SLC22A24: variants seen among roughly 807,000 people sequenced by gnomAD.
SLC22A24 encodes steroid transmembrane transporter SLC22A24.
In SLC22A24, 53 loss-of-function variants were observed where a neutral mutation model predicts 49.8. The observed-to-expected ratio is 1.06, with a 90% CI of 0.85 to 1.34. The LOEUF is 1.34. SLC22A24 is among the 40% of genes most tolerant of loss of function. The pLI is 0.00. For missense variants in SLC22A24, 786 were observed against 675.9 expected (o/e 1.16, Z -1.81); for synonymous variants, 302 against 256.4 (o/e 1.18, Z -1.70).
intron 3 of SLC22A24, 44 bp downstream of exon 3, chr11:63,119,137 A>T (rs10897367): frequency 0.25 from 377,276 of 1,525,480 alleles, 49,609 homozygotes; most frequent in Admixed American, 0.33. Flanking sequence ...TTCAAGGTCA[A>T]TTCAAGACAT....
At chr11:63,137,015 C>T (rs2087379968) in intron 1 of SLC22A24, among the ~76,000 whole-genome samples, 2 of 152,154 alleles carry the variant, frequency 1.3e-5, no homozygotes, top group Admixed American at 6.5e-5. Context: ...CCAACACCTC[C>T]TTCCTTCTCT....
rs550706035 is a variant in SLC22A24 at position 63,138,365 on chromosome 11, G to A, written c.403-3597C>T. ...GCTTGAAATTGGCTTCTGAGGCCGG[G>A]TACGTGGTGGCTTACACCTGTAATC... On this transcript the variant is annotated intron_variant, in intron 1 of 9. Transcript: ENST00000612278. 2.6e-5 allele frequency among the ~76,000 whole-genome samples: 4 copies of A among 152,152 alleles called. No homozygotes were observed. The South Asian group carries it at 6.2e-4, about 24-fold the overall frequency.
intron 2 of SLC22A24, among the ~76,000 whole-genome samples, chr11:63,124,097 T>C (rs2087271336): frequency 1.3e-5 from 2 of 152,020 alleles, no homozygotes; most frequent in Non-Finnish European, 2.9e-5. Flanking sequence ...AAGAATATTA[T>C]GGCCAGAGGG....
intron 1 of SLC22A24, among the ~76,000 whole-genome samples, chr11:63,138,557 G>A (rs1164354400): frequency 1.4e-5 from 2 of 147,634 alleles, no homozygotes; most frequent in East Asian, 4.0e-4. Flanking sequence ...CAGGAGAATG[G>A]CATGAACCTG....
chr11:63,113,233 T>TATATACACATATATATATAC lies in SLC22A24; in HGVS notation c.830+5678_830+5679insGTATATATATATGTGTATAT, dbSNP rs2087187569. ...ATATACACATATATATATATACATATATATATATATACACACATACACACA... is the reference window on the plus strand; with the variant it reads ...ATATACACATATATATATATACATATATATACACATATATATATACATATATATATACACACATACACACA... On this transcript the variant is annotated intron_variant, in intron 4 of 9. Transcript: ENST00000612278. 1.5e-5 allele frequency among the ~76,000 whole-genome samples: 2 copies of TATATACACATATATATATAC among 134,020 alleles called. 1 individual carries two copies. The highest frequency in any genetic ancestry group is 5.7e-5 in the African/African-American group (2 of 35,340). The allele number at this position is 134,020 out of a possible 152,430, so 87.9% of individuals were successfully genotyped here. A position where few individuals can be genotyped will look rare whatever the true frequency, so the allele number is the denominator to read the frequency against.
Position 63,143,902 on chromosome 11 carries a change from T to A in SLC22A24, c.-123A>T. 1.3e-6 allele frequency: 1 copy of A among 796,312 alleles called. No homozygotes were observed. Among genetic ancestry groups the A allele is most frequent in the Non-Finnish European group, 1.7e-6 (1 of 575,258 alleles). 49.3% of individuals were successfully genotyped at this position (796,312 alleles called of 1,614,324 possible). ...CCATGTGGATCCTGACACTGCTTTC[T>A]TCTTGGTGGGCCCTGCACTGAGTGG... On this transcript the variant is annotated 5_prime_UTR_variant, in exon 1 of 10. In the 5' UTR this introduces an upstream ATG that the reference lacks. Coordinates refer to ENST00000612278, the MANE Select transcript of SLC22A24 (RefSeq NM_001136506.2).
chr11:63,083,121 T>TG (rs2086968784), intron 7 of SLC22A24, 122 bp downstream of exon 7: 6 of 764,320 alleles, frequency 7.9e-6, no homozygotes, highest in Non-Finnish European at 1.3e-5. Context: ...CATATTAACT[T>TG]CAGGGAATCT....
At chr11:63,081,859 G>C (rs2135189999) in intron 7 of SLC22A24, among the ~76,000 whole-genome samples, 193 bp from the exon 8 acceptor site, 1 of 152,270 alleles carries the variant, frequency 6.6e-6, no homozygotes, top group East Asian at 1.9e-4. Context: ...CTTAAACATT[G>C]AATAAAGGAT....
intron 2 of SLC22A24, among the ~76,000 whole-genome samples, chr11:63,123,474 T>C (rs2087266439): frequency 6.6e-6 from 1 of 152,212 alleles, no homozygotes; most frequent in South Asian, 2.1e-4. Context: ...TTCTAAATTA[T>C]TGTCTCTAGC....
intron 1 of SLC22A24, among the ~76,000 whole-genome samples, chr11:63,139,142 G>T (rs1258511553): frequency 5.9e-5 from 9 of 152,076 alleles, no homozygotes; most frequent in African/African-American, 1.4e-4. Context: ...TCTGGAAAAA[G>T]CTTTTTTCTT....
intron 2 of SLC22A24, among the ~76,000 whole-genome samples, chr11:63,120,809 A>G (rs977801187): frequency 1.3e-5 from 2 of 152,186 alleles, no homozygotes; most frequent in Non-Finnish European, 2.9e-5. Flanking sequence ...CTGAATGTTT[A>G]TATAGAATAT....
intron 6 of SLC22A24, among the ~76,000 whole-genome samples, chr11:63,087,086 A>AC (rs1590728137): frequency 6.6e-6 from 1 of 151,640 alleles, no homozygotes; most frequent in Non-Finnish European, 1.5e-5. Context: ...AGAGAGAGAA[A>AC]CCCAAGTAAG....
chr11:63,100,084 G>A (rs1286634068), intron 5 of SLC22A24, among the ~76,000 whole-genome samples: 2 of 152,088 alleles, frequency 1.3e-5, no homozygotes, highest in African/African-American at 4.8e-5. Flanking sequence ...AGAGCAATCA[G>A]ACAAGAGACA....
chr11:63,134,571 A>G (rs531699269), intron 2 of SLC22A24, 94 bp downstream of exon 2: 4 of 723,174 alleles, frequency 5.5e-6, no homozygotes, highest in African/African-American at 5.3e-5. Context: ...GCACAATGCA[A>G]AGTATACAGT....
intron 7 of SLC22A24, among the ~76,000 whole-genome samples, chr11:63,082,381 T>G (rs1401441033): frequency 6.6e-6 from 1 of 152,174 alleles, no homozygotes; most frequent in East Asian, 1.9e-4. Flanking sequence ...AAAATAGGAT[T>G]TTAAAACAGT....
intron 1 of SLC22A24, among the ~76,000 whole-genome samples, chr11:63,135,174 T>C (rs1183808407): frequency 2.6e-5 from 4 of 152,192 alleles, no homozygotes; most frequent in Non-Finnish European, 5.9e-5. Context: ...CCACAATCTT[T>C]CTAAGAAGGC....
intron 9 of SLC22A24, among the ~76,000 whole-genome samples, chr11:63,080,615 G>A (rs549662424): frequency 1.3e-4 from 20 of 152,298 alleles, no homozygotes; most frequent in African/African-American, 4.6e-4. Context: ...GAAAACAACA[G>A]GAGTGTGTGT....
intron 2 of SLC22A24, among the ~76,000 whole-genome samples, chr11:63,121,463 T>C (rs1039324799): frequency 3.3e-5 from 5 of 152,028 alleles, no homozygotes; most frequent in Non-Finnish European, 7.4e-5. Context: ...ATGAAATAGT[T>C]TGAAGCAGCA....
chr11:63,091,239 G>A (rs1052727578), intron 6 of SLC22A24, among the ~76,000 whole-genome samples: 2 of 152,200 alleles, frequency 1.3e-5, no homozygotes, highest in Admixed American at 6.5e-5. Context: ...ACGATAACAT[G>A]TTCTGAAATT....
Sources: allele counts gnomAD v4.1 joint callset (sites outside exome capture counted in the v4.1 genomes callset), GRCh38; gene constraint gnomAD v4.1.1; transcripts MANE v1.5; gene names NCBI Gene and HGNC (gene_info 2026-07-23, HGNC 2026-07-21).